GPC5: variants seen among roughly 807,000 people sequenced by gnomAD.
The protein encoded by GPC5 is glypican-5.
A neutral mutation model predicts 53.9 loss-of-function variants in GPC5; 47 were observed. That is an observed-to-expected ratio of 0.87 (90% CI 0.69 to 1.11). GPC5 has a LOEUF of 1.11. Among genes scored for constraint, GPC5 ranks in the 50% most tolerant of loss-of-function variants. The probability of loss-of-function intolerance (pLI) is 0.00; values close to 1 mark genes in which losing one functional copy is unlikely to be tolerated. For synonymous variants in GPC5, 286 were observed against 263.3 expected (o/e 1.09, Z -0.84); for missense variants, 748 against 713.1 (o/e 1.05, Z -0.56).
At chr13:92,625,039 C>T (rs922655684) in intron 7 of GPC5, among the ~76,000 whole-genome samples, 1 of 152,120 alleles carries the variant, frequency 6.6e-6, no homozygotes, top group African/African-American at 2.4e-5. Context: ...TTTATTATTG[C>T]TGTATTATAT....
intron 6 of GPC5, among the ~76,000 whole-genome samples, chr13:91,966,802 A>G (rs144575434): frequency 1.3e-5 from 2 of 152,300 alleles, no homozygotes; most frequent in East Asian, 1.9e-4. Context: ...TTAAAAGGGG[A>G]AAAAAGCAAA....
chr13:92,520,434 G>A (rs1880995255), intron 7 of GPC5, among the ~76,000 whole-genome samples: 1 of 152,086 alleles, frequency 6.6e-6, no homozygotes, highest in African/African-American at 2.4e-5. Context: ...TATACACCAT[G>A]ATCAAGTGCA....
At chr13:92,263,657 G>A (rs1436721096) in intron 7 of GPC5, among the ~76,000 whole-genome samples, 2 of 152,018 alleles carry the variant, frequency 1.3e-5, no homozygotes, top group East Asian at 3.8e-4. Flanking sequence ...ACTGACAAAG[G>A]TATTTATTAT....
chr13:91,809,221 T>G (rs1055037722), intron 5 of GPC5, among the ~76,000 whole-genome samples: 3 of 152,154 alleles, frequency 2.0e-5, no homozygotes, highest in African/African-American at 7.2e-5. Flanking sequence ...GACAGTTTTG[T>G]ACCTTTGATT....
chr13:91,935,578 A>G (rs1363843821), intron 6 of GPC5, among the ~76,000 whole-genome samples: 2 of 151,902 alleles, frequency 1.3e-5, no homozygotes, highest in African/African-American at 4.8e-5. Flanking sequence ...AGGCATCTAG[A>G]TTTTGTGGAT....
intron 7 of GPC5, among the ~76,000 whole-genome samples, chr13:92,148,242 A>T (rs1240901806): frequency 6.6e-6 from 1 of 152,088 alleles, no homozygotes; most frequent in Non-Finnish European, 1.5e-5. Context: ...GCAAATGAAA[A>T]AAGTTGGTAA....
At chr13:91,618,665 T>A (rs939464626) in intron 2 of GPC5, among the ~76,000 whole-genome samples, 1 of 147,264 alleles carries the variant, frequency 6.8e-6, no homozygotes, top group African/African-American at 2.5e-5. Flanking sequence ...TTTTTTTTTT[T>A]ATCAGCTCAC....
At chr13:92,252,215 GA>G (rs998861089) in intron 7 of GPC5, among the ~76,000 whole-genome samples, 14 of 152,050 alleles carry the variant, frequency 9.2e-5, no homozygotes, top group Non-Finnish European at 1.5e-4. Context: ...TGAAAAAGAA[GA>G]CTTAAACTTT....
chr13:92,544,510 T>C (rs1882036060), intron 7 of GPC5, among the ~76,000 whole-genome samples: 1 of 152,094 alleles, frequency 6.6e-6, no homozygotes, highest in African/African-American at 2.4e-5. Context: ...TATTGATGGT[T>C]TTTATCTTCT....
intron 6 of GPC5, among the ~76,000 whole-genome samples, chr13:91,986,840 T>G (rs2040412619): frequency 6.6e-6 from 1 of 152,216 alleles, no homozygotes; most frequent in South Asian, 2.1e-4. Flanking sequence ...GTAAAAACAT[T>G]TATATTTCTA....
At chr13:92,554,445 G>A (rs763210453) in intron 7 of GPC5, among the ~76,000 whole-genome samples, 13 of 151,390 alleles carry the variant, frequency 8.6e-5, no homozygotes, top group Non-Finnish European at 1.8e-4. Context: ...TTTGATTTAT[G>A]TATTTCTATT....
At chr13:92,185,873 G>C (rs1045584107) in intron 7 of GPC5, among the ~76,000 whole-genome samples, 1 of 152,010 alleles carries the variant, frequency 6.6e-6, no homozygotes, top group African/African-American at 2.4e-5. Flanking sequence ...AATAGATAAA[G>C]CAAGCATCAT....
chr13:91,921,079 G>A (rs2039709153), intron 6 of GPC5, among the ~76,000 whole-genome samples: 1 of 151,810 alleles, frequency 6.6e-6, no homozygotes, highest in South Asian at 2.1e-4. Flanking sequence ...TGTGATTACA[G>A]AAGTGCACCA....
intron 6 of GPC5, among the ~76,000 whole-genome samples, chr13:92,142,742 T>A (rs2041840643): frequency 6.6e-6 from 1 of 152,180 alleles, no homozygotes; most frequent in South Asian, 2.1e-4. Context: ...AGAGTCCATC[T>A]GTGTTCTTGC....
chr13:92,531,039 A>G (rs1229166134), intron 7 of GPC5, among the ~76,000 whole-genome samples: 2 of 152,234 alleles, frequency 1.3e-5, no homozygotes, highest in East Asian at 1.9e-4. Flanking sequence ...CCTTAGCACA[A>G]TATGACAGAA....
At chr13:91,874,188 T>G (rs1462159760) in intron 5 of GPC5, among the ~76,000 whole-genome samples, 2 of 152,214 alleles carry the variant, frequency 1.3e-5, no homozygotes, top group Non-Finnish European at 2.9e-5. Flanking sequence ...TGTCCTAGAC[T>G]ATTAATATGA....
intron 2 of GPC5, among the ~76,000 whole-genome samples, chr13:91,450,428 A>G (rs1295372548): frequency 6.6e-6 from 1 of 152,086 alleles, no homozygotes; most frequent in African/African-American, 2.4e-5. Context: ...GGAGTTTGTG[A>G]TAGGTGGTCA....
At chr13:92,359,570 A>G (rs1926654) in intron 7 of GPC5, among the ~76,000 whole-genome samples, 48,953 of 151,328 alleles carry the variant, frequency 0.32, 8,852 homozygotes, top group African/African-American at 0.43. Context: ...AAAGAACTAC[A>G]TGAGACTGGG....
intron 2 of GPC5, among the ~76,000 whole-genome samples, chr13:91,543,849 G>A (rs2030115400): frequency 6.6e-6 from 1 of 152,120 alleles, no homozygotes; most frequent in Admixed American, 6.5e-5. Flanking sequence ...CTTATCAAAA[G>A]CAACCCTCCA....
Sources: allele counts gnomAD v4.1 joint callset (sites outside exome capture counted in the v4.1 genomes callset), GRCh38; gene constraint gnomAD v4.1.1; transcripts MANE v1.5; gene names NCBI Gene and HGNC (gene_info 2026-07-23, HGNC 2026-07-21).